DCTN1: variants seen among roughly 807,000 people sequenced by gnomAD.
DCTN1 encodes 150 kDa dynein-associated polypeptide.
A neutral mutation model predicts 161.2 loss-of-function variants in DCTN1; 61 were observed. The ratio of observed to expected loss-of-function variants is 0.38; its 90% CI spans 0.31 to 0.47. The LOEUF is 0.47. Ranked by LOEUF, DCTN1 falls within the 20% of genes least tolerant of loss-of-function variation. The pLI is 0.99. For synonymous variants in DCTN1, 653 were observed against 632.4 expected, an observed-to-expected ratio of 1.03 and a Z score of -0.49; for missense variants, 1,404 against 1,623.7, an observed-to-expected ratio of 0.86 and a Z score of 2.33.
At chr2:74,372,372 C>T (rs191137116) in intron 7 of DCTN1, among the ~76,000 whole-genome samples, 13 of 152,318 alleles carry the variant, frequency 8.5e-5, no homozygotes, top group African/African-American at 2.6e-4. Context: ...TCATCTCCCC[C>T]GATCTGGCAA....
At chr2:74,383,091 AAAAT>A (rs1169417817), upstream of DCTN1, among the ~76,000 whole-genome samples, 5 of 150,296 alleles carry the variant, frequency 3.3e-5, no homozygotes, top group South Asian at 2.1e-4. Context: ...CAAAAAAAAA[AAAAT>A]AAATAAATAA....
rs1441516485 is a variant in DCTN1, at chr2:74,369,280, A to G, written c.1584+20T>C. On this transcript the variant is annotated intron_variant, in intron 14 of 31. Coordinates refer to ENST00000628224, the MANE Select transcript of DCTN1 (RefSeq NM_004082.5). This position sits in a 1 kb window ranked among gnomAD's most constrained non-coding sequence, Gnocchi z 4.9. ...AGCCCTGGGGTGATGGTGGGCAGAG[A>G]GCAAACAGTGGGCATGTACCTGTAG... 6.2e-7 allele frequency: 1 copy of G among 1,614,164 alleles called. No homozygotes were observed. Among genetic ancestry groups the G allele is most frequent in the African/African-American group, 1.3e-5 (1 of 75,038 alleles).
chr2:74,380,705 A>G, upstream of DCTN1: 1 of 390,830 alleles, frequency 2.6e-6, no homozygotes, highest in Non-Finnish European at 5.3e-6. Context: ...CTGGATTTCA[A>G]TCTCACACTG....
chr2:74,363,132 C>T lies in DCTN1; in HGVS notation c.3391G>A (p.Val1131Ile), dbSNP rs1296558175. ...ASLASLPPLH[V>I]AKLSHEGPGS... ...GGGCCCTCATGGGATAGCTTTGCAA[C>T]ATGCAGAGGGGGCAGGGATGCCAAG... The change falls in exon 29 of 32, where the codon GTT becomes ATT. Residue 1131 changes from valine (V) to isoleucine (I), a missense_variant. Coordinates refer to ENST00000628224, the MANE Select transcript of DCTN1 (RefSeq NM_004082.5). The T allele has an allele frequency of 6.2e-7, 1 of 1,613,968 alleles. No individual in the cohort carries two copies. Among genetic ancestry groups the T allele is most frequent in the Non-Finnish European group, 8.5e-7 (1 of 1,179,984 alleles).
intron 1 of DCTN1, among the ~76,000 whole-genome samples, chr2:74,379,707 C>T (rs1216012779): frequency 6.6e-6 from 1 of 152,170 alleles, no homozygotes; most frequent in Non-Finnish European, 1.5e-5. Context: ...CCTCTCTGAG[C>T]CATCATCCCC....
chr2:74,388,731 T>C (rs1316433041), intron 1 of DCTN1, among the ~76,000 whole-genome samples: 1 of 152,220 alleles, frequency 6.6e-6, no homozygotes, highest in African/African-American at 2.4e-5. Context: ...TCCATCTCAG[T>C]ATCTAAGCAC....
In DCTN1 at chr2:74,362,770, G is replaced by T. The variant is rs2268426; in HGVS notation, c.3530-41C>A. ...GCTGGTGAGGCCCACCAAGGCGCAG[G>T]CAGGCAGTTCTACTGGATTAAGGGT... On this transcript the variant is annotated intron_variant, in intron 29 of 31. Transcript: ENST00000628224. 76,628 of 1,594,720 alleles carry T rather than the reference G, an allele frequency of 0.048. 5,469 individuals carry two copies. Among genetic ancestry groups the T allele is most frequent in the East Asian group, 0.32 (14,142 of 44,616 alleles).
rs535824216 is a variant in DCTN1 at position 74,375,690 on chromosome 2, G to A, written c.414+1052C>T. ...CAGGAGACAATAATCAAAGGACAAA[G>A]CCAAGTTTCTATGACTCTGAAATGG... On this transcript the variant is annotated intron_variant, in intron 5 of 31. Transcript: ENST00000628224. Among the ~76,000 whole-genome samples, 137 of 152,292 alleles carry A rather than the reference G, an allele frequency of 9.0e-4. 1 individual carries two copies. The highest frequency in any genetic ancestry group is 3.2e-3 in the African/African-American group (133 of 41,568).
chr2:74,378,419 A>G (rs969299444), intron 1 of DCTN1, among the ~76,000 whole-genome samples, 174 bp from the exon 2 acceptor site: 2 of 152,262 alleles, frequency 1.3e-5, no homozygotes, highest in Non-Finnish European at 2.9e-5. Flanking sequence ...AAAAATGCCA[A>G]TGATATTCTA....
intron 31 of DCTN1, 100 bp downstream of exon 31, chr2:74,361,952 T>C: frequency 2.3e-6 from 3 of 1,301,310 alleles, no homozygotes; most frequent in Non-Finnish European, 3.3e-6. Context: ...ATGCAGTTGT[T>C]AGACCTGAGA....
intron 5 of DCTN1, among the ~76,000 whole-genome samples, chr2:74,376,245 C>T (rs974291173): frequency 6.6e-6 from 1 of 152,052 alleles, no homozygotes; most frequent in African/African-American, 2.4e-5. Flanking sequence ...TATGGCTGTG[C>T]CCATCCACAG....
In DCTN1 at chr2:74,369,409, G is replaced by A; in HGVS notation, c.1475C>T (p.Ala492Val). The A allele has an allele frequency of 6.2e-7, 1 of 1,614,172 alleles. No individual in the cohort carries two copies. The highest frequency in any genetic ancestry group is 8.5e-7 in the Non-Finnish European group (1 of 1,180,038). The change falls in exon 14 of 32, where the codon GCA (alanine) becomes GTA (valine). Residue 492 changes from alanine (A) to valine (V), a missense_variant. Ala to Val is a moderately conservative substitution (Grantham distance 64). Coordinates refer to ENST00000628224, the MANE Select transcript of DCTN1 (RefSeq NM_004082.5). This position sits in a 1 kb window ranked among gnomAD's most constrained non-coding sequence, Gnocchi z 4.9. ...ELELREQLDM[A>V]GARVREAQKR... ...CTGGGCCTCACGAACCCGCGCGCCTGCCATGTCCAGCTGCTCCCGCAGCTC... is the reference window on the plus strand; with the variant it reads ...CTGGGCCTCACGAACCCGCGCGCCTACCATGTCCAGCTGCTCCCGCAGCTC...
intron 26 of DCTN1, chr2:74,364,702 G>C: frequency 2.9e-6 from 1 of 344,068 alleles, no homozygotes. Flanking sequence ...TCAAGAGCAG[G>C]TATCGGGCAG....
upstream of DCTN1, among the ~76,000 whole-genome samples, chr2:74,383,305 C>A (rs1446781990): frequency 6.6e-6 from 1 of 152,124 alleles, no homozygotes; most frequent in African/African-American, 2.4e-5. Context: ...TCTTTATGAT[C>A]CAATAGCCAG....
chr2:74,382,944 G>A (rs991601351), upstream of DCTN1, among the ~76,000 whole-genome samples: 6 of 151,600 alleles, frequency 4.0e-5, no homozygotes, highest in African/African-American at 1.5e-4. Context: ...GCGCGGTGGC[G>A]GGCGCCTGTA....
At chr2:74,372,533 C>A (rs1230486635) in intron 7 of DCTN1, among the ~76,000 whole-genome samples, 1 of 152,226 alleles carries the variant, frequency 6.6e-6, no homozygotes, top group East Asian at 1.9e-4. Flanking sequence ...CATGTGCAAT[C>A]CTCAGACATC....
Position 74,370,562 on chromosome 2 carries a change from C to T in DCTN1, c.1049-18G>A. Reference sequence around the variant, plus strand: ...ATCTGAGCCTGGAGAAGATCATTAACACTTTCAGGCATGGTTCTCACCTGA... The same window carrying T: ...ATCTGAGCCTGGAGAAGATCATTAATACTTTCAGGCATGGTTCTCACCTGA... On this transcript the variant is annotated intron_variant, in intron 10 of 31. Transcript: ENST00000628224. This position sits in a 1 kb window ranked among gnomAD's most constrained non-coding sequence, Gnocchi z 4.4. 1.2e-6 allele frequency: 2 copies of T among 1,614,114 alleles called. No individual in the cohort carries two copies. Among genetic ancestry groups the T allele is most frequent in the Non-Finnish European group, 1.7e-6 (2 of 1,180,040 alleles).
Position 74,369,021 on chromosome 2 carries a change from C to T in DCTN1, c.1701+77G>A, listed in dbSNP as rs1418483081. 2 of 1,564,584 alleles carry T rather than the reference C, an allele frequency of 1.3e-6. No homozygotes were observed. The highest frequency in any genetic ancestry group is 2.8e-5 in the African/African-American group (2 of 70,360). ...AAACCACCACACAAAGCACCCCTTC[C>T]CCCAGGAATCTGAAGCCCAGACCCC... On this transcript the variant is annotated intron_variant, in intron 15 of 31. Coordinates refer to ENST00000628224, the MANE Select transcript of DCTN1 (RefSeq NM_004082.5). This position sits in a 1 kb window ranked among gnomAD's most constrained non-coding sequence, Gnocchi z 4.9.
chr2:74,367,441 G>A (rs1558937979), intron 18 of DCTN1, 21 bp from the exon 19 acceptor site: 3 of 1,613,910 alleles, frequency 1.9e-6, no homozygotes, highest in Non-Finnish European at 2.5e-6. Flanking sequence ...ATAACAGACA[G>A]ACAACTTTTA....
Sources: allele counts gnomAD v4.1 joint callset (sites outside exome capture counted in the v4.1 genomes callset), GRCh38; gene constraint gnomAD v4.1.1; non-coding constraint Gnocchi (gnomAD v3.1); transcripts MANE v1.5; gene names NCBI Gene and HGNC (gene_info 2026-07-23, HGNC 2026-07-21).